The following TMPRSS15 variants were observed in gnomAD, a reference collection of about 807,000 sequenced individuals.
The protein encoded by TMPRSS15 is transmembrane serine protease 15.
In TMPRSS15, 128 loss-of-function variants were observed where a neutral mutation model predicts 125.3. That is an observed-to-expected ratio of 1.02 (90% CI 0.89 to 1.18). The LOEUF (loss-of-function observed/expected upper bound fraction) is 1.18. TMPRSS15 is among the 50% of genes most tolerant of loss of function. The pLI is 0.00. For synonymous variants in TMPRSS15, 446 were observed against 423.2 expected, an observed-to-expected ratio of 1.05 and a Z score of -0.66; for missense variants, 1,283 against 1,212.7, an observed-to-expected ratio of 1.06 and a Z score of -0.86.
At chr21:18,450,819 C>A (rs2076266797) in intron 1 of TMPRSS15, among the ~76,000 whole-genome samples, 1 of 152,154 alleles carries the variant, frequency 6.6e-6, no homozygotes, top group Admixed American at 6.6e-5. Context: ...GTTATTACAT[C>A]TGTCAGGTGA....
At chr21:18,382,623 AT>A (rs1210097231) in intron 4 of TMPRSS15, among the ~76,000 whole-genome samples, 1 of 152,220 alleles carries the variant, frequency 6.6e-6, no homozygotes, top group African/African-American at 2.4e-5. Flanking sequence ...AGTTGAACTA[AT>A]TAAATAGTTA....
At chr21:18,380,535 C>G (rs1569044849) in intron 4 of TMPRSS15, 5 of 470,584 alleles carry the variant, frequency 1.1e-5, no homozygotes, top group Non-Finnish European at 2.2e-5. Flanking sequence ...GCCATAAACA[C>G]TGACCTGAAG....
intron 1 of TMPRSS15, among the ~76,000 whole-genome samples, chr21:18,482,374 G>A (rs1311417488): frequency 6.6e-6 from 1 of 150,832 alleles, no homozygotes; most frequent in Non-Finnish European, 1.5e-5. Context: ...TAGACAATAG[G>A]GTATGGCGAC....
chr21:18,383,696 C>T lies in TMPRSS15; in HGVS notation c.427G>A (p.Gly143Ser). The T allele has an allele frequency of 6.2e-7, 1 of 1,613,962 alleles. No homozygotes were observed. Among genetic ancestry groups the T allele is most frequent in the Non-Finnish European group, 8.5e-7 (1 of 1,179,928 alleles). Residue 143 changes from glycine (G) to serine (S), a missense_variant, in exon 4 of 25, where the codon GGC (glycine) becomes AGC (serine). Transcript: ENST00000284885. ...TGGCTGGATTTATTTGCTTCAAGGC[C>T]TTGAATCAGTTCTTCTTTTACATTT... ...DENVKEELIQ[G>S]LEANKSSQLV...
chr21:18,280,437 T>C (rs1159027018), intron 22 of TMPRSS15, among the ~76,000 whole-genome samples: 1 of 151,798 alleles, frequency 6.6e-6, no homozygotes, highest in Non-Finnish European at 1.5e-5. Context: ...AAAAATTAGC[T>C]GGGCATCATG....
upstream of TMPRSS15, among the ~76,000 whole-genome samples, chr21:18,407,003 A>T (rs965653840): frequency 2.0e-5 from 3 of 152,212 alleles, no homozygotes; most frequent in African/African-American, 7.2e-5. Flanking sequence ...ATAATAAAAC[A>T]AAATTATATG....
Position 18,269,209 on chromosome 21 carries a change from AAC to A in TMPRSS15, c.*758_*759del, listed in dbSNP as rs751691441. 11 of 152,234 alleles carry A rather than the reference AAC, an allele frequency of 7.2e-5. No homozygotes were observed. The highest frequency in any genetic ancestry group is 1.3e-4 in the Non-Finnish European group (9 of 68,056). 9.4% of individuals were successfully genotyped at this position (152,234 alleles called of 1,614,324 possible). A position where few individuals can be genotyped will look rare whatever the true frequency, so the allele number is the denominator to read the frequency against. On this transcript the variant is annotated 3_prime_UTR_variant, in exon 25 of 25. Coordinates refer to ENST00000284885, the MANE Select transcript of TMPRSS15 (RefSeq NM_002772.3). ...TTCATATATTAGAAATATCCACTGTAACACACATAAACCAAGACCAGGATTTG... is the reference window on the plus strand; with the variant it reads ...TTCATATATTAGAAATATCCACTGTAACACATAAACCAAGACCAGGATTTG...
intron 13 of TMPRSS15, among the ~76,000 whole-genome samples, chr21:18,334,172 C>G (rs1355723235): frequency 1.3e-5 from 2 of 152,092 alleles, no homozygotes; most frequent in Admixed American, 1.3e-4. Flanking sequence ...TCATGTGCAT[C>G]TTCAAAGTTT....
chr21:18,410,430 C>T (rs970224451), intron 1 of TMPRSS15, among the ~76,000 whole-genome samples: 12 of 152,204 alleles, frequency 7.9e-5, no homozygotes, highest in African/African-American at 2.9e-4. Context: ...AGTCACTGAT[C>T]CCTAGGGTTT....
intron 10 of TMPRSS15, among the ~76,000 whole-genome samples, chr21:18,350,701 T>C (rs2075559153): frequency 6.6e-6 from 1 of 151,978 alleles, no homozygotes; most frequent in African/African-American, 2.4e-5. Context: ...AAGCTTCATA[T>C]TTTCCCAAAG....
In TMPRSS15 at chr21:18,332,116, T is replaced by A; in HGVS notation, c.1622A>T (p.Asn541Ile). ...CAGATTAGGGTAGCTGTTTGGAAAG[T>A]TCGTAGAACTGAATGTTGTATTTGG... ...WEPNTTFSST[N>I]FPNSYPNLAF... is the part of the protein sequence containing the mutation. Residue 541 changes from asparagine (N) to isoleucine (I), a missense_variant, in exon 14 of 25, where the codon AAC becomes ATC. Transcript: ENST00000284885. 1 of 1,614,076 alleles carries A rather than the reference T, an allele frequency of 6.2e-7. No homozygotes were observed. Among genetic ancestry groups the A allele is most frequent in the South Asian group, 1.1e-5 (1 of 91,082 alleles).
chr21:18,353,869 A>C lies in TMPRSS15; in HGVS notation c.881-6T>G. ...ATTAGTTTCCCAAATAGAAGCTACA[A>C]AATAAAATAAACAACTGTTATATGT... On this transcript the variant is annotated splice_polypyrimidine_tract_variant and splice_region_variant and intron_variant, in intron 8 of 24. Coordinates refer to ENST00000284885, the MANE Select transcript of TMPRSS15 (RefSeq NM_002772.3). The C allele has an allele frequency of 6.2e-7, 1 of 1,609,400 alleles. No homozygotes were observed. The highest frequency in any genetic ancestry group is 8.5e-7 in the Non-Finnish European group (1 of 1,176,522).
chr21:18,280,596 C>CA (rs1246672347), intron 22 of TMPRSS15, among the ~76,000 whole-genome samples: 1 of 102,146 alleles, frequency 9.8e-6, no homozygotes, highest in African/African-American at 4.5e-5. Context: ...AAAAAAAAAA[C>CA]AACAAAACAA....
chr21:18,331,285 C>T (rs1331889007), intron 14 of TMPRSS15, among the ~76,000 whole-genome samples: 2 of 152,072 alleles, frequency 1.3e-5, no homozygotes, highest in African/African-American at 4.8e-5. Context: ...ACATTTTTCC[C>T]ACCACTGAGG....
intron 10 of TMPRSS15, among the ~76,000 whole-genome samples, chr21:18,347,243 A>T (rs896512667): frequency 1.1e-4 from 17 of 150,992 alleles, no homozygotes; most frequent in Non-Finnish European, 2.2e-4. Flanking sequence ...TCATGTATAT[A>T]TTTTTTTTCT....
intron 21 of TMPRSS15, among the ~76,000 whole-genome samples, chr21:18,281,995 G>C (rs963917421): frequency 6.6e-6 from 1 of 151,152 alleles, no homozygotes; most frequent in Non-Finnish European, 1.5e-5. Context: ...TACTTCGGGG[G>C]GCAGAGGCAG....
chr21:18,365,593 TCCTTCCTTC>T (rs1569035447), intron 6 of TMPRSS15, among the ~76,000 whole-genome samples: 15 of 136,254 alleles, frequency 1.1e-4, no homozygotes, highest in African/African-American at 1.6e-4. Flanking sequence ...TTTCCTTCCT[TCCTTCCTTC>T]TTTCCTTCCT....
intron 18 of TMPRSS15, among the ~76,000 whole-genome samples, chr21:18,300,477 GAC>G (rs2074959758): frequency 6.6e-6 from 1 of 151,798 alleles, no homozygotes; most frequent in South Asian, 2.1e-4. Flanking sequence ...GAGTATCTGG[GAC>G]TATAGGCGTG....
intron 5 of TMPRSS15, among the ~76,000 whole-genome samples, chr21:18,373,364 C>G (rs995576504): frequency 6.6e-6 from 1 of 151,928 alleles, no homozygotes; most frequent in African/African-American, 2.4e-5. Context: ...ATTCATGGAA[C>G]GCCCAACATC....
Sources: gnomAD v4.1 joint callset for allele counts (sites outside exome capture counted in the v4.1 genomes callset) on GRCh38, gnomAD v4.1.1 for gene constraint, MANE v1.5 for transcripts, NCBI Gene and HGNC (gene_info 2026-07-23, HGNC 2026-07-21) for gene names.